The following SLC12A7 variants were observed in gnomAD, a reference collection of about 807,000 sequenced individuals.
The protein encoded by SLC12A7 is solute carrier family 12 member 7.
Under a neutral mutation model 120.6 loss-of-function variants are expected in SLC12A7, and 100 were observed. That is an observed-to-expected ratio of 0.83 (90% CI 0.71 to 0.98). The LOEUF is 0.98. SLC12A7 is among the 50% of genes least tolerant of loss of function. The pLI is 0.00. For missense variants in SLC12A7, 1,373 were observed against 1,548.1 expected, an observed-to-expected ratio of 0.89 and a Z score of 1.90; for synonymous variants, 760 against 678.0, an observed-to-expected ratio of 1.12 and a Z score of -1.88.
chr5:1,085,125 C>T, intron 7 of SLC12A7, 107 bp downstream of exon 7: 1 of 1,480,852 alleles, frequency 6.8e-7, no homozygotes, highest in African/African-American at 1.4e-5. Context: ...CAGCCCACCC[C>T]TTGCGGGGAG....
At chr5:1,126,191 G>A in the SLC12A7 span, among the ~76,000 whole-genome samples, 12 of 152,076 alleles carry the variant, frequency 7.9e-5, no homozygotes, top group South Asian at 6.2e-4. Context: ...AGTGATTCTC[G>A]TGTCTCAGCC....
intron 1 of SLC12A7, among the ~76,000 whole-genome samples, chr5:1,095,271 C>T (rs1032015687): frequency 6.6e-6 from 1 of 152,204 alleles, no homozygotes; most frequent in African/African-American, 2.4e-5. Flanking sequence ...CATGAATCAC[C>T]TGACCTGGGG....
At chr5:1,133,075 A>T in the SLC12A7 span, among the ~76,000 whole-genome samples, 1 of 152,096 alleles carries the variant, frequency 6.6e-6, no homozygotes, top group Non-Finnish European at 1.5e-5. Flanking sequence ...GCGTCACCAC[A>T]CACAGCTAAT....
chr5:1,148,578 A>G, the SLC12A7 span, among the ~76,000 whole-genome samples: 2 of 152,238 alleles, frequency 1.3e-5, no homozygotes, highest in African/African-American at 4.8e-5. Flanking sequence ...AATTATAACA[A>G]ATTTAGCTGT....
intron 9 of SLC12A7, among the ~76,000 whole-genome samples, chr5:1,079,790 G>A (rs1020467894): frequency 2.0e-5 from 3 of 151,986 alleles, no homozygotes; most frequent in Non-Finnish European, 4.4e-5. Flanking sequence ...TGGAGCCTGT[G>A]TTAATCCCAT....
Position 1,087,118 on chromosome 5 carries a change from AAAG to A in SLC12A7, c.545-88_545-86del, listed in dbSNP as rs1216289705. ...GCGGTCTGCGCTGCCATTCACGGGCAAAGGAGGGCCTGTCTCTGCGAAGGCAGC... is the reference window on the plus strand; with the variant it reads ...GCGGTCTGCGCTGCCATTCACGGGCAGAGGGCCTGTCTCTGCGAAGGCAGC... On this transcript the variant is annotated intron_variant, in intron 5 of 23. Transcript: ENST00000264930. 3.4e-6 allele frequency: 5 copies of A among 1,473,900 alleles called. No homozygotes were observed. The African/African-American group carries it at 7.1e-5, about 21-fold the overall frequency. The allele number at this position is 1,473,900 out of a possible 1,614,324, so 91.3% of individuals were successfully genotyped here.
chr5:1,092,836 C>A (rs1179688489), intron 3 of SLC12A7, among the ~76,000 whole-genome samples: 2 of 152,166 alleles, frequency 1.3e-5, no homozygotes, highest in African/African-American at 2.4e-5. Flanking sequence ...GCCGCACCCC[C>A]ACAGCGAGGA....
At chr5:1,057,676 C>A in intron 21 of SLC12A7, 27 bp from the exon 22 acceptor site, 1 of 1,575,654 alleles carries the variant, frequency 6.3e-7, no homozygotes, top group Non-Finnish European at 8.6e-7. Flanking sequence ...TTGGTGAGAC[C>A]AGCCGGTCTC....
At chr5:1,112,820 C>T (rs1015732609), upstream of SLC12A7, among the ~76,000 whole-genome samples, 1 of 149,778 alleles carries the variant, frequency 6.7e-6, no homozygotes, top group Non-Finnish European at 1.5e-5. Flanking sequence ...GGGTGGGGTA[C>T]TCCGGAGCTT....
chr5:1,102,811 C>T (rs1742145131), intron 1 of SLC12A7, among the ~76,000 whole-genome samples: 2 of 152,184 alleles, frequency 1.3e-5, no homozygotes. Flanking sequence ...CACCTGGTGA[C>T]CCAGTGGCAT....
chr5:1,064,002 G>A (rs1277085870), intron 19 of SLC12A7, 27 bp from the exon 20 acceptor site: 11 of 1,609,646 alleles, frequency 6.8e-6, no homozygotes, highest in African/African-American at 1.3e-5. Flanking sequence ...CATGGCTGTG[G>A]GGCCTCAGAG....
At chr5:1,054,666 GGACA>G (rs1369504202) in intron 22 of SLC12A7, among the ~76,000 whole-genome samples, 8 of 152,208 alleles carry the variant, frequency 5.3e-5, no homozygotes, top group South Asian at 2.1e-4. Context: ...GGGCGGCGGC[GGACA>G]GACAGAGGCC....
At chr5:1,101,936 C>T (rs1000701278) in intron 1 of SLC12A7, among the ~76,000 whole-genome samples, 7 of 152,222 alleles carry the variant, frequency 4.6e-5, no homozygotes, top group Non-Finnish European at 7.3e-5. Context: ...GAGCCTCCCA[C>T]CACTTCCCCA....
chr5:1,062,717 G>A (rs1038131609), intron 20 of SLC12A7, among the ~76,000 whole-genome samples: 7 of 149,906 alleles, frequency 4.7e-5, no homozygotes, highest in African/African-American at 1.7e-4. Context: ...GGGGGACTGG[G>A]GGGCTGCGGG....
intron 17 of SLC12A7, among the ~76,000 whole-genome samples, chr5:1,068,673 C>T (rs533956766): frequency 7.2e-5 from 11 of 152,148 alleles, no homozygotes; most frequent in South Asian, 2.1e-4. Flanking sequence ...TCCTCCCGTC[C>T]GCAAGAGCGG....
chr5:1,095,308 G>A (rs1042414241), intron 1 of SLC12A7, among the ~76,000 whole-genome samples: 11 of 152,198 alleles, frequency 7.2e-5, no homozygotes, highest in African/African-American at 2.4e-4. Flanking sequence ...CAAGGAACTC[G>A]GCACAGGCCA....
chr5:1,146,124 G>T, the SLC12A7 span, among the ~76,000 whole-genome samples: 1 of 152,172 alleles, frequency 6.6e-6, no homozygotes, highest in African/African-American at 2.4e-5. The surrounding 1 kb of genome is among the most constrained non-coding windows in gnomAD (Gnocchi z 6.5). Context: ...ACCTTTCTGT[G>T]TCTGGCTGCC....
chr5:1,137,029 G>A, the SLC12A7 span, among the ~76,000 whole-genome samples: 1 of 151,572 alleles, frequency 6.6e-6, no homozygotes, highest in Non-Finnish European at 1.5e-5. Context: ...ACACACACAC[G>A]TGCTCACACA....
intron 3 of SLC12A7, among the ~76,000 whole-genome samples, chr5:1,091,625 GGTGCTGA>G (rs1237184330): frequency 6.6e-6 from 1 of 152,234 alleles, no homozygotes; most frequent in Admixed American, 6.5e-5. Context: ...ACCCCAGAAA[GGTGCTGA>G]GTGCTGAGCC....
Sources: gnomAD v4.1 joint callset for allele counts (sites outside exome capture counted in the v4.1 genomes callset) on GRCh38, gnomAD v4.1.1 for gene constraint, Gnocchi (gnomAD v3.1) non-coding constraint, MANE v1.5 for transcripts, NCBI Gene and HGNC (gene_info 2026-07-23, HGNC 2026-07-21) for gene names.